Variants in CCDC171 observed in about 807,000 individuals in gnomAD.
CCDC171 encodes coiled-coil domain-containing protein 171.
CCDC171 carries 177 observed loss-of-function variants against 168.2 expected under a neutral mutation model. That is an observed-to-expected ratio of 1.05 (90% confidence interval 0.93 to 1.19). The LOEUF (loss-of-function observed/expected upper bound fraction) is 1.19, where lower values mean the gene tolerates loss of function less well. CCDC171 is among the 50% of genes most tolerant of loss of function. CCDC171 has a pLI of 0.00. For synonymous variants in CCDC171, 687 were observed against 540.8 expected, an observed-to-expected ratio of 1.27 and a Z score of -3.75; for missense variants, 1,991 against 1,539.0, an observed-to-expected ratio of 1.29 and a Z score of -4.91.
chr9:15,690,811 T>C (rs2050726918), intron 10 of CCDC171, among the ~76,000 whole-genome samples: 1 of 151,970 alleles, frequency 6.6e-6, no homozygotes, highest in African/African-American at 2.4e-5. Flanking sequence ...AAGAAATGAA[T>C]GATATAATAT....
At chr9:16,052,770 C>T (rs1833771727) in intron 1 of CCDC171, among the ~76,000 whole-genome samples, 1 of 151,982 alleles carries the variant, frequency 6.6e-6, no homozygotes, top group Admixed American at 6.6e-5. Context: ...ACTCCACAAA[C>T]TCTCTTTCTT....
chr9:15,986,400 G>A (rs1039537514), intron 3 of CCDC171, among the ~76,000 whole-genome samples: 20 of 152,164 alleles, frequency 1.3e-4, no homozygotes, highest in African/African-American at 4.8e-4. Flanking sequence ...GCTGCAGAGG[G>A]ATGCCATAAG....
At chr9:16,059,578 A>G (rs916314242) in intron 1 of CCDC171, among the ~76,000 whole-genome samples, 6 of 134,218 alleles carry the variant, frequency 4.5e-5, no homozygotes, top group South Asian at 2.4e-4. Context: ...GCAGTGGCGC[A>G]ATCTCGGCTC....
chr9:15,925,392 G>C (rs1825777323), intron 25 of CCDC171, among the ~76,000 whole-genome samples: 1 of 151,606 alleles, frequency 6.6e-6, no homozygotes, highest in Admixed American at 6.6e-5. Flanking sequence ...AGAAGAAACT[G>C]AGAAAGACCA....
At chr9:15,914,999 A>T (rs1824294789) in intron 24 of CCDC171, among the ~76,000 whole-genome samples, 1 of 151,988 alleles carries the variant, frequency 6.6e-6, no homozygotes, top group African/African-American at 2.4e-5. Context: ...GGCCCCAGTG[A>T]GTTGAACCGG....
intron 25 of CCDC171, among the ~76,000 whole-genome samples, chr9:15,937,274 G>A (rs975755039): frequency 6.6e-6 from 1 of 151,882 alleles, no homozygotes; most frequent in African/African-American, 2.4e-5. Flanking sequence ...AACTTCCTTT[G>A]CCTCAAGCTG....
intron 24 of CCDC171, among the ~76,000 whole-genome samples, chr9:15,910,450 G>A (rs1823457234): frequency 6.6e-6 from 1 of 152,062 alleles, no homozygotes; most frequent in South Asian, 2.1e-4. Flanking sequence ...CTAGTACCAT[G>A]CTATTTTGCT....
the CCDC171 span, among the ~76,000 whole-genome samples, chr9:16,088,510 A>C: frequency 6.6e-6 from 1 of 152,256 alleles, no homozygotes; most frequent in Admixed American, 6.5e-5. Flanking sequence ...CTGATAAGCA[A>C]CTTCAGCAAA....
chr9:15,705,038 C>T (rs2133936819), intron 11 of CCDC171, among the ~76,000 whole-genome samples: 1 of 151,184 alleles, frequency 6.6e-6, no homozygotes. Context: ...GTTAATAATG[C>T]TGAAATAATA....
chr9:16,055,504 G>A (rs1191916631), intron 1 of CCDC171, among the ~76,000 whole-genome samples: 1 of 152,198 alleles, frequency 6.6e-6, no homozygotes, highest in East Asian at 1.9e-4. Flanking sequence ...GAGTGTGCCA[G>A]GCTCTGTGTG....
intron 16 of CCDC171, among the ~76,000 whole-genome samples, chr9:15,738,060 A>G (rs2054609408): frequency 6.6e-6 from 1 of 152,236 alleles, no homozygotes; most frequent in Non-Finnish European, 1.5e-5. Flanking sequence ...TATAAAAATA[A>G]GACACTTTAA....
intron 7 of CCDC171, among the ~76,000 whole-genome samples, chr9:15,642,976 G>A (rs1386275069): frequency 6.6e-6 from 1 of 152,006 alleles, no homozygotes; most frequent in South Asian, 2.1e-4. Flanking sequence ...TTTTGATAAA[G>A]AAGCATATAT....
In CCDC171 at chr9:15,821,251, G is replaced by T. The variant is rs2059758693; in HGVS notation, c.3268-25451G>T. Among the ~76,000 whole-genome samples the T allele has an allele frequency of 1.7e-5, 2 of 117,218 alleles. 1 individual carries two copies. Among genetic ancestry groups the T allele is most frequent in the Non-Finnish European group, 3.8e-5 (2 of 52,280 alleles). 76.9% of individuals were successfully genotyped at this position (117,218 alleles called of 152,430 possible). ...TATCATACTGAATGGACAAAAACTG[G>T]AAGCATTCCCTTTGAAAACTGGCAC... On this transcript the variant is annotated intron_variant, in intron 21 of 25. Transcript: ENST00000380701.
intron 9 of CCDC171, among the ~76,000 whole-genome samples, chr9:15,669,060 T>C (rs534846556): frequency 5.3e-5 from 8 of 152,262 alleles, no homozygotes; most frequent in Admixed American, 2.0e-4. Context: ...TGGTTAAGGT[T>C]CTTTAAGCTT....
At chr9:15,763,046 G>A (rs1363440125) in intron 18 of CCDC171, among the ~76,000 whole-genome samples, 1 of 152,146 alleles carries the variant, frequency 6.6e-6, no homozygotes, top group Non-Finnish European at 1.5e-5. Flanking sequence ...ATTCCTTCAG[G>A]TTGGACAGTT....
chr9:15,915,569 A>G (rs1824389506), intron 24 of CCDC171, among the ~76,000 whole-genome samples: 1 of 152,148 alleles, frequency 6.6e-6, no homozygotes, highest in Admixed American at 6.6e-5. Flanking sequence ...AGCAGGGATA[A>G]TTTGACTTCC....
chr9:15,698,628 G>C (rs1461446884), intron 11 of CCDC171, among the ~76,000 whole-genome samples: 1 of 151,970 alleles, frequency 6.6e-6, no homozygotes, highest in Non-Finnish European at 1.5e-5. Flanking sequence ...CAAATGACAG[G>C]GTTTCATTCT....
chr9:15,988,698 A>C (rs1360786121), intron 3 of CCDC171, among the ~76,000 whole-genome samples: 1 of 152,192 alleles, frequency 6.6e-6, no homozygotes, highest in Non-Finnish European at 1.5e-5. Flanking sequence ...GCTGTGACAG[A>C]CGGCACATGG....
intron 6 of CCDC171, among the ~76,000 whole-genome samples, chr9:15,595,362 C>T (rs925057732): frequency 1.3e-5 from 2 of 152,170 alleles, no homozygotes; most frequent in Non-Finnish European, 2.9e-5. Flanking sequence ...TGTGTTCTCA[C>T]TGTTCAATTC....
Sources: gnomAD v4.1 joint callset for allele counts (sites outside exome capture counted in the v4.1 genomes callset) on GRCh38, gnomAD v4.1.1 for gene constraint, MANE v1.5 for transcripts, NCBI Gene and HGNC (gene_info 2026-07-23, HGNC 2026-07-21) for gene names.